The following TRIM44 variants were observed in gnomAD, a reference collection of about 807,000 sequenced individuals.
The protein encoded by TRIM44 is tripartite motif-containing protein 44.
In TRIM44, 13 loss-of-function variants were observed where a neutral mutation model predicts 37.4. The ratio of observed to expected loss-of-function variants is 0.35; its 90% CI spans 0.23 to 0.55. The LOEUF (loss-of-function observed/expected upper bound fraction) is 0.55. Among genes scored for constraint, TRIM44 ranks in the 20% least tolerant of loss-of-function variants. The probability of loss-of-function intolerance (pLI) is 0.89; values close to 1 mark genes in which losing one functional copy is unlikely to be tolerated. For synonymous variants in TRIM44, 175 were observed against 157.2 expected (o/e 1.11, Z -0.85); for missense variants, 426 against 437.2 (o/e 0.97, Z 0.23).
chr11:35,791,326 T>C (rs1383004781), intron 4 of TRIM44, among the ~76,000 whole-genome samples: 1 of 152,148 alleles, frequency 6.6e-6, no homozygotes, highest in Non-Finnish European at 1.5e-5. Flanking sequence ...TCCTGAAACA[T>C]CTGCTTGTGC....
intron 4 of TRIM44, among the ~76,000 whole-genome samples, chr11:35,780,811 C>A (rs1174300295): frequency 4.1e-4 from 51 of 125,632 alleles, no homozygotes; most frequent in Admixed American, 1.0e-4. Context: ...CAAAATGGAT[C>A]GACTCAGTGA....
chr11:35,723,462 G>A lies in TRIM44; in HGVS notation c.748-2462G>A, dbSNP rs537660405. On this transcript the variant is annotated intron_variant, in intron 2 of 4. Coordinates refer to ENST00000299413, the MANE Select transcript of TRIM44 (RefSeq NM_017583.6). The stretch of plus-strand genomic sequence containing the variant: ...CCAAAGGTTTTGATGTCTTAGGTTG[G>A]AAAATGCTTATTTGTTAATTAGAGA... Among the ~76,000 whole-genome samples the A allele has an allele frequency of 3.3e-5, 5 of 152,276 alleles. No homozygotes were observed. The South Asian group carries it at 1.0e-3, about 32-fold the overall frequency.
chr11:35,764,135 A>T (rs995319734), intron 4 of TRIM44, among the ~76,000 whole-genome samples: 4 of 152,146 alleles, frequency 2.6e-5, no homozygotes, highest in Non-Finnish European at 2.9e-5. Context: ...TCATGGGAAG[A>T]GGAGCAACTT....
At chr11:35,696,502 C>T (rs568131371) in intron 2 of TRIM44, among the ~76,000 whole-genome samples, 11 of 151,972 alleles carry the variant, frequency 7.2e-5, no homozygotes, top group Middle Eastern at 3.4e-3. Context: ...CTTAACTTTC[C>T]GAATCATCTG....
intron 2 of TRIM44, among the ~76,000 whole-genome samples, chr11:35,707,116 A>G (rs1851896428): frequency 1.3e-5 from 2 of 152,208 alleles, no homozygotes; most frequent in South Asian, 4.1e-4. Flanking sequence ...TTATACACCA[A>G]TAACAGACAA....
chr11:35,733,795 C>T (rs1852296298), intron 3 of TRIM44, among the ~76,000 whole-genome samples: 1 of 152,168 alleles, frequency 6.6e-6, no homozygotes, highest in Non-Finnish European at 1.5e-5. Flanking sequence ...ACCCCCAGCG[C>T]CCTGCCCAAA....
At chr11:35,733,772 C>G (rs1852295756) in intron 3 of TRIM44, among the ~76,000 whole-genome samples, 1 of 152,122 alleles carries the variant, frequency 6.6e-6, no homozygotes, top group African/African-American at 2.4e-5. Flanking sequence ...GCCCTCAGTT[C>G]CAACCTTATA....
intron 2 of TRIM44, among the ~76,000 whole-genome samples, chr11:35,695,926 A>C (rs1851692220): frequency 6.6e-6 from 1 of 150,658 alleles, no homozygotes; most frequent in Non-Finnish European, 1.5e-5. Flanking sequence ...CCCATGTAAC[A>C]TGTCAAATCT....
chr11:35,686,362 G>GTTTTTTTTTTTTT (rs201740615), intron 2 of TRIM44, among the ~76,000 whole-genome samples: 12 of 143,690 alleles, frequency 8.4e-5, no homozygotes, highest in African/African-American at 2.9e-4. Flanking sequence ...GGTTCTTTTT[G>GTTTTTTTTTTTTT]TTTTTGTTTT....
At chr11:35,792,231 T>C (rs1283339507) in intron 4 of TRIM44, among the ~76,000 whole-genome samples, 1 of 152,210 alleles carries the variant, frequency 6.6e-6, no homozygotes, top group Non-Finnish European at 1.5e-5. Context: ...AAACAAGGAC[T>C]TTGTCAGTCG....
intron 4 of TRIM44, among the ~76,000 whole-genome samples, chr11:35,755,417 T>A (rs1243559884): frequency 2.0e-5 from 3 of 152,216 alleles, no homozygotes; most frequent in African/African-American, 7.2e-5. Context: ...CTTTGTCAGA[T>A]GAGTAGATTG....
chr11:35,670,493 C>T (rs1851381844), intron 1 of TRIM44, among the ~76,000 whole-genome samples: 1 of 152,112 alleles, frequency 6.6e-6, no homozygotes, highest in Non-Finnish European at 1.5e-5. Context: ...TATGGTGAAA[C>T]TGGAGTTACA....
At chr11:35,767,376 ATCACCTTACCTGGCCCTCC>A (rs1852811415) in intron 4 of TRIM44, among the ~76,000 whole-genome samples, 3 of 152,122 alleles carry the variant, frequency 2.0e-5, no homozygotes, top group African/African-American at 7.2e-5. Flanking sequence ...AACATACAAG[ATCACCTTACCTGGCCCTCC>A]TCTGTCAGTC....
Position 35,663,519 on chromosome 11 carries a change from G to A in TRIM44, c.408G>A (p.Glu136=), listed in dbSNP as rs1414448837. 1 of 1,599,462 alleles carries A rather than the reference G, an allele frequency of 6.3e-7. No homozygotes were observed. Among genetic ancestry groups the A allele is most frequent in the East Asian group, 2.2e-5 (1 of 44,462 alleles). ...EEDSEEEMED[E]QESEAEEDNQ... ...ACAGCGAGGAAGAAATGGAGGATGAGCAAGAAAGCGAGGCCGAAGAAGACA... is the reference window on the plus strand; with the variant it reads ...ACAGCGAGGAAGAAATGGAGGATGAACAAGAAAGCGAGGCCGAAGAAGACA... The change falls in exon 1 of 5, where the codon GAG becomes GAA. Residue 136 remains glutamate (E), a synonymous_variant. Transcript: ENST00000299413.
At chr11:35,791,028 TTTC>T (rs781739195) in intron 4 of TRIM44, among the ~76,000 whole-genome samples, 70 of 152,126 alleles carry the variant, frequency 4.6e-4, no homozygotes, top group South Asian at 2.3e-3. Flanking sequence ...CACCTCATAG[TTTC>T]TTGTTTTTTC....
At chr11:35,740,002 G>A (rs1280240578) in intron 4 of TRIM44, among the ~76,000 whole-genome samples, 2 of 151,140 alleles carry the variant, frequency 1.3e-5, no homozygotes, top group Non-Finnish European at 2.9e-5. Flanking sequence ...GGGAGGCTGA[G>A]GCAGGAGACT....
chr11:35,717,136 T>C lies in TRIM44; in HGVS notation c.748-8788T>C, dbSNP rs150824861. Among the ~76,000 whole-genome samples the C allele has an allele frequency of 1.9e-3, 282 of 152,222 alleles. 2 individuals are homozygous for C. The highest frequency in any genetic ancestry group is 6.5e-3 in the African/African-American group (271 of 41,530). On this transcript the variant is annotated intron_variant, in intron 2 of 4. Transcript: ENST00000299413. ...TGAGACTGATTTCCTGTAGAGAAAA[T>C]CTAGGCATAGGAGCCATCCTTATGG...
chr11:35,755,283 G>A (rs1011864195), intron 4 of TRIM44, among the ~76,000 whole-genome samples: 2 of 152,172 alleles, frequency 1.3e-5, no homozygotes, highest in African/African-American at 4.8e-5. Context: ...TCATGTGTCT[G>A]TTGGCTGCAT....
chr11:35,743,676 A>T (rs1852444047), intron 4 of TRIM44, among the ~76,000 whole-genome samples: 1 of 152,204 alleles, frequency 6.6e-6, no homozygotes, highest in Non-Finnish European at 1.5e-5. Context: ...ATTACATAAA[A>T]GACACTGATA....
Sources: allele counts gnomAD v4.1 joint callset (sites outside exome capture counted in the v4.1 genomes callset), GRCh38; gene constraint gnomAD v4.1.1; transcripts MANE v1.5; gene names NCBI Gene and HGNC (gene_info 2026-07-23, HGNC 2026-07-21).